Variants in DGKB observed in about 807,000 individuals in gnomAD.
DGKB encodes the protein 90 kDa diacylglycerol kinase.
Under a neutral mutation model 114.3 loss-of-function variants are expected in DGKB, and 67 were observed. The observed-to-expected ratio is 0.59, with a 90% CI of 0.48 to 0.72. DGKB has a LOEUF of 0.72. Ranked by LOEUF, DGKB falls within the 30% of genes least tolerant of loss-of-function variation. The probability of loss-of-function intolerance (pLI) is 0.00; values close to 1 mark genes in which losing one functional copy is unlikely to be tolerated. For missense variants in DGKB, 907 were observed against 975.2 expected (o/e 0.93, Z 0.93); for synonymous variants, 398 against 323.1 (o/e 1.23, Z -2.49).
At chr7:14,702,766 G>A (rs1397349126) in intron 6 of DGKB, among the ~76,000 whole-genome samples, 1 of 152,008 alleles carries the variant, frequency 6.6e-6, no homozygotes, top group Non-Finnish European at 1.5e-5. Context: ...GACCCTGATG[G>A]TCTATTTGTA....
At chr7:14,220,479 T>C (rs1789759377) in intron 23 of DGKB, among the ~76,000 whole-genome samples, 1 of 151,602 alleles carries the variant, frequency 6.6e-6, no homozygotes, top group East Asian at 1.9e-4. Context: ...TATATATATA[T>C]ATATGTCTAT....
chr7:14,581,230 T>C (rs1055667885), intron 18 of DGKB, among the ~76,000 whole-genome samples: 19 of 152,286 alleles, frequency 1.2e-4, no homozygotes, highest in African/African-American at 3.4e-4. Context: ...CAGCTAAAAA[T>C]TGTGGTGTGT....
chr7:14,519,788 T>G (rs1789445897), intron 20 of DGKB, among the ~76,000 whole-genome samples: 1 of 152,022 alleles, frequency 6.6e-6, no homozygotes, highest in Non-Finnish European at 1.5e-5. Flanking sequence ...TTAATTTGCA[T>G]TTCTTTAATT....
At chr7:14,385,256 A>G (rs1820132906) in intron 21 of DGKB, among the ~76,000 whole-genome samples, 1 of 152,178 alleles carries the variant, frequency 6.6e-6, no homozygotes, top group African/African-American at 2.4e-5. Context: ...CAAAAGTACT[A>G]GAGGAAGAAC....
chr7:14,318,711 T>C (rs1247487148), intron 23 of DGKB, among the ~76,000 whole-genome samples: 5 of 152,116 alleles, frequency 3.3e-5, no homozygotes, highest in Non-Finnish European at 5.9e-5. Flanking sequence ...AGTTCACCCA[T>C]TGTGGAAGTC....
intron 1 of DGKB, among the ~76,000 whole-genome samples, chr7:14,897,518 C>A (rs930033357): frequency 6.6e-6 from 1 of 151,910 alleles, no homozygotes; most frequent in African/African-American, 2.4e-5. Context: ...TATTGTCCCA[C>A]AAGAGCAAAA....
chr7:14,157,866 A>AG (rs1783257587), intron 25 of DGKB, among the ~76,000 whole-genome samples: 1 of 152,204 alleles, frequency 6.6e-6, no homozygotes, highest in African/African-American at 2.4e-5. Flanking sequence ...TAACAAAACA[A>AG]TACAAAAACA....
At chr7:14,822,058 G>A (rs1586730671) in intron 2 of DGKB, among the ~76,000 whole-genome samples, 1 of 152,082 alleles carries the variant, frequency 6.6e-6, no homozygotes, top group East Asian at 1.9e-4. Context: ...ATAGCCTAAG[G>A]GAGAGACAGA....
chr7:14,884,471 T>A (rs1854710882), intron 1 of DGKB, among the ~76,000 whole-genome samples: 1 of 151,806 alleles, frequency 6.6e-6, no homozygotes, highest in African/African-American at 2.4e-5. Context: ...CCTTGGAAGG[T>A]TTTCACACAG....
intron 21 of DGKB, among the ~76,000 whole-genome samples, chr7:14,413,457 G>T (rs920854685): frequency 6.6e-6 from 1 of 152,126 alleles, no homozygotes; most frequent in African/African-American, 2.4e-5. Context: ...TGTGGTAGTT[G>T]GGAAAATGAG....
intron 23 of DGKB, among the ~76,000 whole-genome samples, chr7:14,247,868 AT>A (rs1794706452): frequency 6.6e-6 from 1 of 152,006 alleles, no homozygotes; most frequent in Admixed American, 6.6e-5. Flanking sequence ...TCACTTGTCT[AT>A]TTTTGTTTTT....
chr7:14,580,962 A>G lies in DGKB; in HGVS notation c.1520-11T>C, dbSNP rs759789593. ...CTACATTGGCCTTTTCTGCAGAATA[A>G]AAAAAAATACAAATAAAGAAAATTT... On this transcript the variant is annotated splice_polypyrimidine_tract_variant and intron_variant, in intron 18 of 25. Coordinates refer to ENST00000402815, the MANE Select transcript of DGKB (RefSeq NM_001350709.2). 14 of 1,564,104 alleles carry G rather than the reference A, an allele frequency of 9.0e-6. No individual in the cohort carries two copies. The East Asian group carries it at 1.1e-4, about 13-fold the overall frequency.
At chr7:14,754,263 GAATC>G (rs1834541697) in intron 3 of DGKB, among the ~76,000 whole-genome samples, 2 of 152,150 alleles carry the variant, frequency 1.3e-5, no homozygotes, top group African/African-American at 4.8e-5. Flanking sequence ...TAAAATTTCA[GAATC>G]AATGACTAGA....
intron 1 of DGKB, among the ~76,000 whole-genome samples, chr7:14,887,948 C>G (rs1397256281): frequency 6.6e-6 from 1 of 151,676 alleles, no homozygotes; most frequent in Non-Finnish European, 1.5e-5. Context: ...GAGACATAAA[C>G]TTCTTATGTG....
chr7:14,612,241 C>G (rs996008258), intron 16 of DGKB, among the ~76,000 whole-genome samples: 1 of 149,856 alleles, frequency 6.7e-6, no homozygotes, highest in African/African-American at 2.4e-5. Flanking sequence ...GTGGCACGAT[C>G]TTGGCTTACT....
At chr7:14,810,604 T>G (rs1481677123) in intron 2 of DGKB, among the ~76,000 whole-genome samples, 1 of 152,208 alleles carries the variant, frequency 6.6e-6, no homozygotes, top group Admixed American at 6.5e-5. Context: ...GCCTTTCTTT[T>G]TTTTTCTTGA....
In DGKB at chr7:14,703,552, C is replaced by T. The variant is rs145826918; in HGVS notation, c.467-1822G>A. Among the ~76,000 whole-genome samples the T allele has an allele frequency of 1.7e-3, 260 of 152,304 alleles. 1 individual carries two copies. The highest frequency in any genetic ancestry group is 5.7e-3 in the African/African-American group (238 of 41,558). On this transcript the variant is annotated intron_variant, in intron 6 of 25. Coordinates refer to ENST00000402815, the MANE Select transcript of DGKB (RefSeq NM_001350709.2). Reference sequence around the variant, plus strand: ...GACTGTGTGCATGGCCCAGGCTCCACCACACAGAAGCACAGTCCCAGGTTA... The same window carrying T: ...GACTGTGTGCATGGCCCAGGCTCCATCACACAGAAGCACAGTCCCAGGTTA...
At chr7:14,329,144 A>C (rs1809267641) in intron 23 of DGKB, among the ~76,000 whole-genome samples, 1 of 151,958 alleles carries the variant, frequency 6.6e-6, no homozygotes, top group South Asian at 2.1e-4. Context: ...ATGGAACTCC[A>C]ATGGCTAGTT....
At chr7:14,828,847 A>G (rs1479396934) in intron 2 of DGKB, among the ~76,000 whole-genome samples, 1 of 152,148 alleles carries the variant, frequency 6.6e-6, no homozygotes, top group Admixed American at 6.6e-5. Context: ...CATAACACTC[A>G]GTAGTCTGAA....
Sources: gnomAD v4.1 joint callset for allele counts (sites outside exome capture counted in the v4.1 genomes callset) on GRCh38, gnomAD v4.1.1 for gene constraint, MANE v1.5 for transcripts, NCBI Gene and HGNC (gene_info 2026-07-23, HGNC 2026-07-21) for gene names.